The following RIT2 variants were observed in gnomAD, a reference collection of about 807,000 sequenced individuals.
RIT2 encodes GTP-binding protein Rit2.
RIT2 carries 24 observed loss-of-function variants against 23.7 expected under a neutral mutation model. That is an observed-to-expected ratio of 1.01 (90% CI 0.73 to 1.43). The LOEUF is 1.43. RIT2 is among the 40% of genes most tolerant of loss of function. The pLI is 0.00. For missense variants in RIT2, 236 were observed against 266.9 expected (o/e 0.88, Z 0.81); for synonymous variants, 107 against 91.1 (o/e 1.17, Z -0.99).
chr18:43,050,413 T>C (rs946845315), intron 1 of RIT2, among the ~76,000 whole-genome samples: 10 of 152,042 alleles, frequency 6.6e-5, no homozygotes, highest in Non-Finnish European at 7.4e-5. Context: ...GGAATACCTG[T>C]TAAGAATCAG....
At chr18:43,057,340 T>C (rs1912527473) in intron 1 of RIT2, among the ~76,000 whole-genome samples, 1 of 152,158 alleles carries the variant, frequency 6.6e-6, no homozygotes, top group South Asian at 2.1e-4. Context: ...AGTGAAGCAC[T>C]ATATATAAAA....
chr18:43,048,931 A>G (rs1023233008), intron 1 of RIT2, among the ~76,000 whole-genome samples: 1 of 152,200 alleles, frequency 6.6e-6, no homozygotes, highest in Non-Finnish European at 1.5e-5. Context: ...AGAAGAGAAT[A>G]TAACCAACAA....
At chr18:42,888,349 G>T (rs1187805492) in intron 4 of RIT2, among the ~76,000 whole-genome samples, 1 of 151,866 alleles carries the variant, frequency 6.6e-6, no homozygotes, top group Non-Finnish European at 1.5e-5. Context: ...TGGTTGGTTG[G>T]TTGTTTTTTG....
chr18:42,866,422 T>C (rs956813164), intron 4 of RIT2, among the ~76,000 whole-genome samples: 3 of 152,116 alleles, frequency 2.0e-5, no homozygotes, highest in Admixed American at 6.5e-5. Context: ...AGATTGTATT[T>C]CTCCTTCTTG....
Position 42,796,700 on chromosome 18 carries a change from T to C in RIT2, c.427-52980A>G, listed in dbSNP as rs755715880. 8.3e-4 allele frequency among the ~76,000 whole-genome samples: 127 copies of C among 152,360 alleles called. No individual in the cohort carries two copies. In the Middle Eastern group the frequency reaches 0.031, roughly 37 times the overall value. On this transcript the variant is annotated intron_variant, in intron 4 of 4. Coordinates refer to ENST00000326695, the MANE Select transcript of RIT2 (RefSeq NM_002930.4). ...TTTGGAATTGAGCCCACTTCTATAC[T>C]GAGGTATGTTCCCTTCATGGAAGAG... is the stretch of plus-strand genomic sequence containing the variant.
chr18:42,878,954 A>C (rs536279299), intron 4 of RIT2, among the ~76,000 whole-genome samples: 6 of 152,078 alleles, frequency 3.9e-5, no homozygotes, highest in Admixed American at 6.6e-5. Flanking sequence ...ACTACTTAAA[A>C]AATCTTCCCT....
chr18:42,955,466 T>C (rs1598729064), intron 3 of RIT2, among the ~76,000 whole-genome samples: 1 of 152,146 alleles, frequency 6.6e-6, no homozygotes, highest in South Asian at 2.1e-4. Flanking sequence ...CTCTCTCCAC[T>C]TAAGTTTTAA....
At chr18:42,968,148 T>C (rs1165530181) in intron 3 of RIT2, among the ~76,000 whole-genome samples, 3 of 152,190 alleles carry the variant, frequency 2.0e-5, no homozygotes, top group Admixed American at 2.0e-4. Flanking sequence ...TTTCTCGTCT[T>C]GTTCAGAATA....
At chr18:42,753,052 C>T (rs895026317) in intron 4 of RIT2, among the ~76,000 whole-genome samples, 6 of 152,144 alleles carry the variant, frequency 3.9e-5, no homozygotes, top group African/African-American at 1.4e-4. Flanking sequence ...TGCTATTTCC[C>T]ATCTGCCAGA....
intron 4 of RIT2, among the ~76,000 whole-genome samples, chr18:42,743,972 A>G (rs548587770): frequency 2.4e-4 from 36 of 152,290 alleles, no homozygotes; most frequent in African/African-American, 8.2e-4. Context: ...TCCTTGCCTT[A>G]ACTGATGAAA....
At chr18:42,784,411 A>C (rs1913880175) in intron 4 of RIT2, among the ~76,000 whole-genome samples, 1 of 152,042 alleles carries the variant, frequency 6.6e-6, no homozygotes, top group Non-Finnish European at 1.5e-5. Flanking sequence ...CTGTCAGGCA[A>C]ATTACTTACT....
At chr18:42,864,282 AT>A (rs2144053696) in intron 4 of RIT2, among the ~76,000 whole-genome samples, 1 of 152,294 alleles carries the variant, frequency 6.6e-6, no homozygotes, top group South Asian at 2.1e-4. Flanking sequence ...TTTCTTTTCA[AT>A]TTCATCTTTT....
chr18:42,940,443 C>A (rs1372563487), intron 3 of RIT2, among the ~76,000 whole-genome samples: 2 of 151,028 alleles, frequency 1.3e-5, no homozygotes, highest in African/African-American at 4.9e-5. Context: ...ATTACACACC[C>A]TCTCTTCACA....
At chr18:42,804,212 T>C (rs1399982211) in intron 4 of RIT2, among the ~76,000 whole-genome samples, 1 of 152,168 alleles carries the variant, frequency 6.6e-6, no homozygotes, top group South Asian at 2.1e-4. Flanking sequence ...GCGTAAATTG[T>C]ACAAGAAAGA....
At position 43,108,119 on chromosome 18, in the gene RIT2, G is replaced by A. The variant is rs560105662; in HGVS notation, c.103+7298C>T. On this transcript the variant is annotated intron_variant, in intron 1 of 4. Transcript: ENST00000326695. Reference sequence around the variant, plus strand: ...GAACCCAGGAGGCAGAGCTTGCAGTGAGCCGAGATTGCACCAGTGCACTCC... The same window carrying A: ...GAACCCAGGAGGCAGAGCTTGCAGTAAGCCGAGATTGCACCAGTGCACTCC... 3.7e-4 allele frequency among the ~76,000 whole-genome samples: 56 copies of A among 151,258 alleles called. 1 individual carries two copies. In the South Asian group the frequency reaches 0.012, roughly 31 times the overall value.
intron 1 of RIT2, among the ~76,000 whole-genome samples, chr18:43,040,331 C>T (rs1231355938): frequency 6.6e-6 from 1 of 152,140 alleles, no homozygotes; most frequent in Non-Finnish European, 1.5e-5. Context: ...TTTCCTAGCT[C>T]TGTCTTATAA....
intron 3 of RIT2, among the ~76,000 whole-genome samples, chr18:42,968,039 C>T (rs10502807): frequency 0.088 from 13,359 of 152,134 alleles, 700 homozygotes; most frequent in East Asian, 0.19. Context: ...GATAGTCTCC[C>T]ATGTCGTGAA....
At chr18:43,065,696 T>C (rs753391845) in intron 1 of RIT2, among the ~76,000 whole-genome samples, 6 of 152,158 alleles carry the variant, frequency 3.9e-5, no homozygotes, top group Non-Finnish European at 5.9e-5. Context: ...CTGCATGCTA[T>C]TGAAAATTGT....
intron 1 of RIT2, among the ~76,000 whole-genome samples, chr18:43,051,568 A>C (rs1324674443): frequency 6.6e-6 from 1 of 152,136 alleles, no homozygotes; most frequent in Non-Finnish European, 1.5e-5. Flanking sequence ...GTGTGTCTAG[A>C]GATCGGGAGA....
Sources: allele counts gnomAD v4.1 joint callset (sites outside exome capture counted in the v4.1 genomes callset), GRCh38; gene constraint gnomAD v4.1.1; transcripts MANE v1.5; gene names NCBI Gene and HGNC (gene_info 2026-07-23, HGNC 2026-07-21).